RIF1: variants seen among roughly 807,000 people sequenced by gnomAD.
RIF1 encodes the protein replication timing regulatory factor 1, also known as telomere-associated protein RIF1.
A neutral mutation model predicts 247.1 loss-of-function variants in RIF1; 45 were observed. The observed-to-expected ratio is 0.18, with a 90% CI of 0.14 to 0.23. RIF1 has a LOEUF of 0.23. RIF1 is among the 10% of genes least tolerant of loss of function. The pLI, the probability that RIF1 is intolerant of heterozygous loss-of-function variation, is 1.00. For synonymous variants in RIF1, 1,087 were observed against 978.8 expected, an observed-to-expected ratio of 1.11 and a Z score of -2.06; for missense variants, 2,967 against 2,862.5, an observed-to-expected ratio of 1.04 and a Z score of -0.83.
intron 10 of RIF1, chr2:151,496,175 TTTAAG>T (rs1032365398): frequency 2.3e-6 from 3 of 1,309,404 alleles, no homozygotes; most frequent in Non-Finnish European, 3.2e-6. Context: ...TTTCACAAAA[TTTAAG>T]TTGTCTTTAA....
chr2:151,494,092 T>A (rs2058543781), intron 9 of RIF1: 1 of 1,313,964 alleles, frequency 7.6e-7, no homozygotes. Context: ...TGGGACAGGG[T>A]TAGGAGCAGG....
intron 8 of RIF1, among the ~76,000 whole-genome samples, chr2:151,425,161 GA>G (rs1688826135): frequency 6.6e-6 from 1 of 152,086 alleles, no homozygotes; most frequent in Non-Finnish European, 1.5e-5. Flanking sequence ...TAGTGATGTT[GA>G]ACATCTTTTC....
At chr2:151,530,993 C>T in the RIF1 span, 1 of 1,602,738 alleles carries the variant, frequency 6.2e-7, no homozygotes, top group Non-Finnish European at 8.5e-7. Flanking sequence ...CTAGTACTTA[C>T]ATCACTGACT....
intron 12 of RIF1, 58 bp downstream of exon 12, chr2:151,437,061 T>G: frequency 7.0e-7 from 1 of 1,437,930 alleles, no homozygotes; most frequent in Non-Finnish European, 9.5e-7. Context: ...ACTTAATGCA[T>G]TGGGGTGAGG....
intron 21 of RIF1, among the ~76,000 whole-genome samples, chr2:151,454,109 A>C (rs528649399): frequency 6.6e-6 from 1 of 152,302 alleles, no homozygotes; most frequent in East Asian, 1.9e-4. Context: ...AGAAAGATCA[A>C]CTTCCTTTTA....
chr2:151,505,407 TGA>T, intron 12 of RIF1: 6 of 1,287,408 alleles, frequency 4.7e-6, no homozygotes, highest in Non-Finnish European at 5.6e-6. Flanking sequence ...AGCAGAAAGA[TGA>T]GAGAGCACCA....
At chr2:151,487,256 AC>A (rs2152688590) in intron 9 of RIF1, among the ~76,000 whole-genome samples, 1 of 152,334 alleles carries the variant, frequency 6.6e-6, no homozygotes, top group Non-Finnish European at 1.5e-5. Flanking sequence ...GCTATCCTCC[AC>A]AGTGTTAAAA....
rs915900060 is a variant in RIF1 at position 151,478,306 on chromosome 2, C to G, written c.*3235C>G. On this transcript the variant is annotated 3_prime_UTR_variant, in exon 36 of 36. Transcript: ENST00000444746. Reference sequence around the variant, plus strand: ...TTCAAAACTGACCTGAACAATGTGGCGAAATCCTGTCTCTACTAAAAATAC... The same window carrying G: ...TTCAAAACTGACCTGAACAATGTGGGGAAATCCTGTCTCTACTAAAAATAC... 6.6e-6 allele frequency: 1 copy of G among 152,054 alleles called. No homozygotes were observed. The highest frequency in any genetic ancestry group is 1.5e-5 in the Non-Finnish European group (1 of 68,030). 9.4% of individuals were successfully genotyped at this position (152,054 alleles called of 1,614,324 possible). A position where few individuals can be genotyped will look rare whatever the true frequency, so the allele number is the denominator to read the frequency against.
At chr2:151,497,542 G>C in intron 10 of RIF1, 1 of 1,503,394 alleles carries the variant, frequency 6.7e-7, no homozygotes, top group Non-Finnish European at 8.9e-7. Context: ...TCTTTAAAAA[G>C]TAGGATTAAT....
chr2:151,429,028 C>A, intron 9 of RIF1, 106 bp downstream of exon 9: 1 of 672,890 alleles, frequency 1.5e-6, no homozygotes, highest in Non-Finnish European at 2.5e-6. Context: ...AGTTAAGTAA[C>A]TACTGAATTA....
In RIF1 at chr2:151,440,763, A is replaced by G. The variant is rs1166741253; in HGVS notation, c.1647+636A>G. On this transcript the variant is annotated intron_variant, in intron 15 of 35. Coordinates refer to ENST00000444746, the MANE Select transcript of RIF1 (RefSeq NM_018151.5). ...GCCTAACTATTCATTAGCTGAGTAA[A>G]TTTGTGCAGTTTATCTATTCCCTTG... 7.9e-5 allele frequency among the ~76,000 whole-genome samples: 12 copies of G among 152,210 alleles called. No homozygotes were observed. The South Asian group carries it at 1.7e-3, about 21-fold the overall frequency.
rs141101906 is a variant in RIF1, at chr2:151,412,200, C to A, written c.183+862C>A. ...CCTACTTAATGGCTTCCTGACTATC[C>A]TTAACATCTTTTAAATTTCCTTGTT... is the stretch of plus-strand genomic sequence containing the variant. On this transcript the variant is annotated intron_variant, in intron 3 of 35. Coordinates refer to ENST00000444746, the MANE Select transcript of RIF1 (RefSeq NM_018151.5). Among the ~76,000 whole-genome samples, 575 of 152,236 alleles carry A rather than the reference C, an allele frequency of 3.8e-3. 3 individuals are homozygous for A. The highest frequency in any genetic ancestry group is 0.013 in the African/African-American group (550 of 41,534).
the RIF1 span, among the ~76,000 whole-genome samples, chr2:151,527,196 A>G: frequency 1.1e-4 from 17 of 151,820 alleles, no homozygotes; most frequent in African/African-American, 3.6e-4. Flanking sequence ...TTTTCAGCCT[A>G]GCTGCCAGGA....
At chr2:151,414,700 C>G in intron 3 of RIF1, 123 bp from the exon 4 acceptor site, 1 of 609,554 alleles carries the variant, frequency 1.6e-6, no homozygotes, top group East Asian at 2.9e-5. Flanking sequence ...ATTTTTTATG[C>G]GTATTCTCAA....
chr2:151,521,422 A>AG, the RIF1 span, among the ~76,000 whole-genome samples: 1 of 152,220 alleles, frequency 6.6e-6, no homozygotes. Flanking sequence ...AAGAAGTGGA[A>AG]GGCCTGCTAA....
At chr2:151,456,941 G>T (rs1254330628) in intron 23 of RIF1, among the ~76,000 whole-genome samples, 1 of 151,896 alleles carries the variant, frequency 6.6e-6, no homozygotes, top group Non-Finnish European at 1.5e-5. Flanking sequence ...ACCATGTTGG[G>T]CAGGCTTGTC....
In RIF1 at chr2:151,499,759, C is replaced by T. The variant is rs911674922; in HGVS notation, c.*709+219C>T. On this transcript the variant is annotated intron_variant and NMD_transcript_variant, in intron 11 of 13. Coordinates refer to the RIF1 transcript ENST00000454583. The stretch of plus-strand genomic sequence containing the variant: ...TTCTCTACAAAAAGCGTTTGTCTTA[C>T]GGTCTAACAAATATTTAACAGGCCA... Among the ~76,000 whole-genome samples the T allele has an allele frequency of 3.5e-4, 54 of 152,294 alleles. 1 individual carries two copies. Among genetic ancestry groups the T allele is most frequent in the African/African-American group, 1.3e-3 (52 of 41,564 alleles).
chr2:151,514,335 T>G, the RIF1 span: 1 of 1,612,354 alleles, frequency 6.2e-7, no homozygotes, highest in Non-Finnish European at 8.5e-7. Flanking sequence ...AGGATTTGAG[T>G]GGCATTCTTT....
chr2:151,421,982 C>T (rs1688254592), intron 7 of RIF1, among the ~76,000 whole-genome samples: 1 of 151,962 alleles, frequency 6.6e-6, no homozygotes, highest in Non-Finnish European at 1.5e-5. Context: ...CAGGCACCTG[C>T]AACCATGCCC....
Sources: gnomAD v4.1 joint callset for allele counts (sites outside exome capture counted in the v4.1 genomes callset) on GRCh38, gnomAD v4.1.1 for gene constraint, MANE v1.5 for transcripts, NCBI Gene and HGNC (gene_info 2026-07-23, HGNC 2026-07-21) for gene names.